The following NOD1 variants were observed in gnomAD, a reference collection of about 807,000 sequenced individuals.
The protein encoded by NOD1 is nucleotide-binding oligomerization domain-containing protein 1.
NOD1 carries 70 observed loss-of-function variants against 81.2 expected under a neutral mutation model. The ratio of observed to expected loss-of-function variants is 0.86; its 90% CI spans 0.71 to 1.05. The LOEUF (loss-of-function observed/expected upper bound fraction) is 1.05. Among genes scored for constraint, NOD1 ranks in the 50% least tolerant of loss-of-function variants. The probability of loss-of-function intolerance (pLI) is 0.00; values close to 1 mark genes in which losing one functional copy is unlikely to be tolerated. For missense variants in NOD1, 1,233 were observed against 1,228.0 expected (o/e 1.00, Z -0.06); for synonymous variants, 508 against 526.9 (o/e 0.96, Z 0.49).
chr7:30,433,200 AT>A (rs1784092554), intron 11 of NOD1, 21 bp from the exon 12 acceptor site: 1 of 1,594,930 alleles, frequency 6.3e-7, no homozygotes, highest in South Asian at 1.1e-5. Context: ...AAAAGGAAGT[AT>A]TTACTCAAGA....
chr7:30,460,091 T>C (rs1030180338), intron 1 of NOD1, 50 bp from the exon 2 acceptor site: 2 of 273,510 alleles, frequency 7.3e-6, no homozygotes, highest in African/African-American at 4.6e-5. Flanking sequence ...GGAGGCTGCT[T>C]TATAATGTCC....
intron 1 of NOD1, among the ~76,000 whole-genome samples, chr7:30,465,111 G>A (rs1446363843): frequency 6.6e-6 from 1 of 152,142 alleles, no homozygotes; most frequent in Non-Finnish European, 1.5e-5. Flanking sequence ...AGACAGGGGG[G>A]TGCCGTGGCT....
chr7:30,425,365 T>A lies in NOD1; in HGVS notation c.*273A>T, dbSNP rs1261330851. 1 of 411,116 alleles carries A rather than the reference T, an allele frequency of 2.4e-6. No individual in the cohort carries two copies. The highest frequency in any genetic ancestry group is 3.9e-5 in the Admixed American group (1 of 25,708). 25.5% of individuals were successfully genotyped at this position (411,116 alleles called of 1,614,324 possible). A position where few individuals can be genotyped will look rare whatever the true frequency, so the allele number is the denominator to read the frequency against. On this transcript the variant is annotated 3_prime_UTR_variant, in exon 14 of 14. Transcript: ENST00000222823. ...TCCTCTAGCTTCAGATAAAAATAATTATAATAGGCAATAAAGTCTCTTCAC... is the reference window on the plus strand; with the variant it reads ...TCCTCTAGCTTCAGATAAAAATAATAATAATAGGCAATAAAGTCTCTTCAC...
At position 30,467,218 on chromosome 7, in the gene NOD1, T is replaced by C. The variant is rs745360972; in HGVS notation, c.-351-7177A>G. Reference sequence around the variant, plus strand: ...TACACAAAGCACTCCACGTTCTCTATAGGCATACGCCCGTGAATGTAAATG... The same window carrying C: ...TACACAAAGCACTCCACGTTCTCTACAGGCATACGCCCGTGAATGTAAATG... On this transcript the variant is annotated intron_variant, in intron 1 of 13. Coordinates refer to ENST00000222823, the MANE Select transcript of NOD1 (RefSeq NM_006092.4). This position sits in a 1 kb window ranked among gnomAD's most constrained non-coding sequence, Gnocchi z 4.5. 4.6e-5 allele frequency among the ~76,000 whole-genome samples: 7 copies of C among 152,174 alleles called. No individual in the cohort carries two copies. The highest frequency in any genetic ancestry group is 5.9e-5 in the Non-Finnish European group (4 of 68,022).
chr7:30,426,222 C>T (rs1319659557), intron 13 of NOD1, among the ~76,000 whole-genome samples: 3 of 152,098 alleles, frequency 2.0e-5, no homozygotes, highest in Admixed American at 2.0e-4. Context: ...TCCGTGGAGG[C>T]AGTTACCTGC....
intron 1 of NOD1, among the ~76,000 whole-genome samples, chr7:30,462,948 C>CAAAAA (rs11313806): frequency 9.9e-6 from 1 of 101,336 alleles, no homozygotes; most frequent in South Asian, 3.1e-4. Flanking sequence ...GACTCCATCT[C>CAAAAA]AAAAAAAAAA....
Position 30,467,938 on chromosome 7 carries a change from G to C in NOD1, c.-351-7897C>G, listed in dbSNP as rs1439751902. Among the ~76,000 whole-genome samples the C allele has an allele frequency of 2.6e-5, 4 of 152,106 alleles. No individual in the cohort carries two copies. The highest frequency in any genetic ancestry group is 9.7e-5 in the African/African-American group (4 of 41,416). On this transcript the variant is annotated intron_variant, in intron 1 of 13. Coordinates refer to ENST00000222823, the MANE Select transcript of NOD1 (RefSeq NM_006092.4). The surrounding 1 kb of genome is among the most constrained non-coding windows in gnomAD (Gnocchi z 4.5). Reference sequence around the variant, plus strand: ...GCTGGTCTTGAACTCCTGACCTCAGGTGATCCACCTGCCTCGACCTCCCAA... The same window carrying C: ...GCTGGTCTTGAACTCCTGACCTCAGCTGATCCACCTGCCTCGACCTCCCAA...
intron 13 of NOD1, among the ~76,000 whole-genome samples, chr7:30,428,079 T>C (rs1382684081): frequency 6.6e-6 from 1 of 152,202 alleles, no homozygotes; most frequent in Admixed American, 6.5e-5. Flanking sequence ...TTTTTCTTTT[T>C]TTCTTTTTTG....
At chr7:30,427,441 C>T (rs1378263998) in intron 13 of NOD1, among the ~76,000 whole-genome samples, 3 of 152,208 alleles carry the variant, frequency 2.0e-5, no homozygotes, top group Non-Finnish European at 4.4e-5. Flanking sequence ...CGTGGCTCCC[C>T]GGCCAGCTCA....
Position 30,451,939 on chromosome 7 carries a change from ATG to A in NOD1, c.1476_1477del (p.Met493AlafsTer16). ...CAAAGCCCGCAGGAAGCCCAGCTGC[ATG>A]TCTCTCTCCTGCAGCCCGGAGGCCT... On this transcript the variant is annotated frameshift_variant, in exon 6 of 14. Coordinates refer to ENST00000222823, the MANE Select transcript of NOD1 (RefSeq NM_006092.4). LOFTEE classifies it high-confidence loss of function. This position sits in a 1 kb window ranked among gnomAD's most constrained non-coding sequence, Gnocchi z 4.2. 1 of 1,613,566 alleles carries A rather than the reference ATG, an allele frequency of 6.2e-7. No homozygotes were observed. Among genetic ancestry groups the A allele is most frequent in the Non-Finnish European group, 8.5e-7 (1 of 1,179,988 alleles).
chr7:30,431,298 T>G (rs1783936301), intron 12 of NOD1, among the ~76,000 whole-genome samples: 1 of 152,182 alleles, frequency 6.6e-6, no homozygotes, highest in African/African-American at 2.4e-5. Flanking sequence ...TTTGCAGAAA[T>G]TGACAAGGTG....
Position 30,452,319 on chromosome 7 carries a change from G to A in NOD1, c.1098C>T (p.Pro366=), listed in dbSNP as rs377753767. 26 of 1,613,404 alleles carry A rather than the reference G, an allele frequency of 1.6e-5. No individual in the cohort carries two copies. The highest frequency in any genetic ancestry group is 8.9e-5 in the East Asian group (4 of 44,878). ...HLRAYARRMF[P]ERALQDRLLS... ...GCAGGCGGTCCTGCAGGGCCCGCTC[G>A]GGGAACATCCTCCTGGCATAGGCGC... The change falls in exon 6 of 14, where the codon CCC becomes CCT. Residue 366 remains proline (P), a synonymous_variant. Transcript: ENST00000222823.
At chr7:30,439,137 A>C (rs1009362520) in intron 9 of NOD1, among the ~76,000 whole-genome samples, 1 of 152,196 alleles carries the variant, frequency 6.6e-6, no homozygotes, top group African/African-American at 2.4e-5. Context: ...GTGGGAACAT[A>C]AAATGGTGCT....
rs62636578 is a variant in NOD1, at chr7:30,452,586, G to A, written c.831C>T (p.His277=). 1,344 of 1,613,574 alleles carry A rather than the reference G, an allele frequency of 8.3e-4. 8 individuals carry two copies. Among genetic ancestry groups the A allele is most frequent in the African/African-American group, 7.3e-3 (549 of 75,070 alleles). Residue 277 remains histidine (H), a synonymous_variant, in exon 6 of 14, where the codon CAC becomes CAT. Coordinates refer to ENST00000222823, the MANE Select transcript of NOD1 (RefSeq NM_006092.4). ...EVFAFLLRFP[H]VALFTFDGLD... ...GGCCATCGAAGGTGAAGAGGGCCAC[G>A]TGGGGGAAGCGCAGCAGGAAGGCAA... is the stretch of plus-strand genomic sequence containing the variant.
Position 30,457,031 on chromosome 7 carries a change from T to C in NOD1, c.-110A>G, listed in dbSNP as rs909376687. On this transcript the variant is annotated 5_prime_UTR_variant, in exon 4 of 14. Transcript: ENST00000222823. ...CCGCGCCCTCCAGGGCCCCTGCTAC[T>C]CTGCGCAGCCCCTGAAGAGATCAAT... 3 of 832,028 alleles carry C rather than the reference T, an allele frequency of 3.6e-6. No homozygotes were observed. In the African/African-American group the frequency reaches 5.0e-5, roughly 14 times the overall value. 51.5% of individuals were successfully genotyped at this position (832,028 alleles called of 1,614,324 possible). A position where few individuals can be genotyped will look rare whatever the true frequency, so the allele number is the denominator to read the frequency against.
At chr7:30,455,684 C>A (rs1307768291) in intron 4 of NOD1, among the ~76,000 whole-genome samples, 2 of 151,810 alleles carry the variant, frequency 1.3e-5, no homozygotes, top group African/African-American at 4.8e-5. Flanking sequence ...TCACTGCAAC[C>A]TCCACCTCCC....
intron 1 of NOD1, among the ~76,000 whole-genome samples, chr7:30,463,372 G>A (rs1287227781): frequency 1.3e-5 from 2 of 149,950 alleles, no homozygotes; most frequent in African/African-American, 4.9e-5. Flanking sequence ...GAGTTTTTCA[G>A]GTAGAAAAAA....
chr7:30,446,088 C>CA, intron 9 of NOD1, 53 bp downstream of exon 9: 1 of 1,307,070 alleles, frequency 7.7e-7, no homozygotes, highest in Non-Finnish European at 1.1e-6. Flanking sequence ...GCAAGGCCCG[C>CA]CCCCCACACA....
chr7:30,437,916 T>TAG (rs1554304495), intron 9 of NOD1, among the ~76,000 whole-genome samples: 1 of 152,120 alleles, frequency 6.6e-6, no homozygotes, highest in Admixed American at 6.5e-5. Context: ...GTGGCACAGT[T>TAG]AGAGACCGAG....
Sources: allele counts gnomAD v4.1 joint callset (sites outside exome capture counted in the v4.1 genomes callset), GRCh38; gene constraint gnomAD v4.1.1; non-coding constraint Gnocchi (gnomAD v3.1); transcripts MANE v1.5; gene names NCBI Gene and HGNC (gene_info 2026-07-23, HGNC 2026-07-21).